CCZ1: variants seen among roughly 807,000 people sequenced by gnomAD.
The protein encoded by CCZ1 is vacuolar fusion protein CCZ1 homolog.
Under a neutral mutation model 57.8 loss-of-function variants are expected in CCZ1, and 19 were observed. The observed-to-expected ratio is 0.33, with a 90% CI of 0.23 to 0.48. The LOEUF (loss-of-function observed/expected upper bound fraction) is 0.48, where lower values mean the gene tolerates loss of function less well. Ranked by LOEUF, CCZ1 falls within the 20% of genes least tolerant of loss-of-function variation. The probability of loss-of-function intolerance (pLI) is 0.99; values close to 1 mark genes in which losing one functional copy is unlikely to be tolerated. For missense variants in CCZ1, 200 were observed against 492.0 expected (o/e 0.41, Z 5.61); for synonymous variants, 81 against 167.0 (o/e 0.49, Z 3.97).
intron 7 of CCZ1, among the ~76,000 whole-genome samples, chr7:5,909,744 A>T (rs1178565874): frequency 1.4e-5 from 2 of 146,720 alleles, no homozygotes; most frequent in African/African-American, 5.1e-5. Flanking sequence ...AATGAGTTTT[A>T]TCCAGGGCTT....
intron 7 of CCZ1, among the ~76,000 whole-genome samples, chr7:5,908,471 C>T (rs1192273412): frequency 1.3e-5 from 2 of 148,370 alleles, no homozygotes; most frequent in Non-Finnish European, 3.0e-5. Flanking sequence ...CTGCGCCTCC[C>T]AGGTTCAAGC....
At chr7:5,914,573 TAAGACAAAAG>T (rs1355017624) in intron 10 of CCZ1, among the ~76,000 whole-genome samples, 2 of 148,862 alleles carry the variant, frequency 1.3e-5, no homozygotes, top group Non-Finnish European at 3.0e-5. Flanking sequence ...CAACCACAGA[TAAGACAAAAG>T]AAAGACATTA....
At chr7:5,913,892 A>T (rs1293986388) in intron 10 of CCZ1, among the ~76,000 whole-genome samples, 1 of 139,280 alleles carries the variant, frequency 7.2e-6, no homozygotes, top group Non-Finnish European at 1.5e-5. Flanking sequence ...CAGTCTGAAG[A>T]GACCCAGAGT....
At chr7:5,920,487 T>TTTTTTTTG (rs1360301005) in intron 12 of CCZ1, among the ~76,000 whole-genome samples, 1 of 117,394 alleles carries the variant, frequency 8.5e-6, no homozygotes, top group African/African-American at 3.3e-5. Flanking sequence ...TTTTTTTTTT[T>TTTTTTTTG]GAGACAAATT....
At chr7:5,910,897 G>A (rs1210628920) in intron 8 of CCZ1, among the ~76,000 whole-genome samples, 3 of 146,252 alleles carry the variant, frequency 2.1e-5, no homozygotes, top group Non-Finnish European at 4.5e-5. Flanking sequence ...CACCATGCCC[G>A]GCTAATTTTT....
chr7:5,906,310 A>T (rs1414823516), intron 7 of CCZ1, among the ~76,000 whole-genome samples: 11 of 129,920 alleles, frequency 8.5e-5, no homozygotes, highest in Admixed American at 4.0e-4. Flanking sequence ...ACTAGAGCCC[A>T]CTTTCTTTCT....
chr7:5,911,316 C>G (rs1484885228), intron 8 of CCZ1, among the ~76,000 whole-genome samples: 1 of 148,958 alleles, frequency 6.7e-6, no homozygotes, highest in Non-Finnish European at 1.5e-5. Flanking sequence ...TTCGTTCCCT[C>G]CCTCTTGTCC....
chr7:5,905,768 G>C (rs1329287850), intron 7 of CCZ1, among the ~76,000 whole-genome samples: 1 of 68,886 alleles, frequency 1.5e-5, no homozygotes, highest in East Asian at 2.2e-3. Flanking sequence ...GCAACAGAGA[G>C]AGACTCTGTC....
At chr7:5,906,666 A>G (rs1017194779) in intron 7 of CCZ1, among the ~76,000 whole-genome samples, 1 of 149,146 alleles carries the variant, frequency 6.7e-6, no homozygotes, top group African/African-American at 2.5e-5. Context: ...TGGTACTACT[A>G]TAAGGTAAAT....
chr7:5,908,610 C>G (rs1013549610), intron 7 of CCZ1, among the ~76,000 whole-genome samples: 32 of 147,810 alleles, frequency 2.2e-4, no homozygotes, highest in Non-Finnish European at 3.3e-4. Context: ...GAACCCCTGA[C>G]CTTAGGTGAT....
At position 5,908,160 on chromosome 7, in the gene CCZ1, T is replaced by C. The variant is rs369304557; in HGVS notation, c.699-1875T>C. Among the ~76,000 whole-genome samples, 7 of 143,740 alleles carry C rather than the reference T, an allele frequency of 4.9e-5. 1 individual carries two copies. Among genetic ancestry groups the C allele is most frequent in the Non-Finnish European group, 9.0e-5 (6 of 66,700 alleles). 94.3% of individuals were successfully genotyped at this position (143,740 alleles called of 152,430 possible). ...GGAATTGCTTATTCCAAAGCTGTTATATTAAATACCAAAAAGACTTTTAAG... is the reference window on the plus strand; with the variant it reads ...GGAATTGCTTATTCCAAAGCTGTTACATTAAATACCAAAAAGACTTTTAAG... On this transcript the variant is annotated intron_variant, in intron 7 of 14. Transcript: ENST00000325974.
rs1350743995 is a variant in CCZ1, at chr7:5,906,480, G to A, written c.698+1211G>A. ...TGGGATTACAGGCATATGCCACCAT[G>A]CCCGGCTAATTTTTGTATTTTCAGT... On this transcript the variant is annotated intron_variant, in intron 7 of 14. Coordinates refer to ENST00000325974, the MANE Select transcript of CCZ1 (RefSeq NM_015622.6). 2.4e-4 allele frequency among the ~76,000 whole-genome samples: 35 copies of A among 147,640 alleles called. 2 individuals carry two copies. The highest frequency in any genetic ancestry group is 8.3e-4 in the African/African-American group (33 of 39,678).
At chr7:5,914,652 ATCACCTGAGG>A (rs113732281) in intron 10 of CCZ1, among the ~76,000 whole-genome samples, 10,399 of 148,286 alleles carry the variant, frequency 0.07, 227 homozygotes, top group African/African-American at 0.16. Context: ...AGGTGGGCGG[ATCACCTGAGG>A]TCTGGAGTTC....
rs372147560 is a variant in CCZ1, at chr7:5,901,670, G to A, written c.404G>A (p.Ser135Asn). The change falls in exon 5 of 15, where the codon AGC becomes AAC. Residue 135 changes from serine to asparagine, a missense_variant. This residue lies in a region of CCZ1 where 128 missense variants were observed against 178.4 expected (regional missense o/e 0.72). Coordinates refer to ENST00000325974, the MANE Select transcript of CCZ1 (RefSeq NM_015622.6). ...QEEELLDKVY[S>N]SVLRQCYSMY... ...TCGCGTCTGCAGGACAAGGTTTATA[G>A]CTCGGTGCTGCGGCAGTGCTACAGC... 1.4e-5 allele frequency: 22 copies of A among 1,598,476 alleles called. 2 individuals are homozygous for A. The highest frequency in any genetic ancestry group is 1.8e-5 in the Non-Finnish European group (21 of 1,176,786).
chr7:5,903,298 A>T (rs1466692969), intron 6 of CCZ1, among the ~76,000 whole-genome samples: 4 of 143,086 alleles, frequency 2.8e-5, no homozygotes, highest in African/African-American at 5.2e-5. Context: ...TCTTTTTTTT[A>T]AAAGGAAACA....
intron 9 of CCZ1, among the ~76,000 whole-genome samples, chr7:5,912,416 G>T (rs1779059251): frequency 8.7e-5 from 6 of 68,644 alleles, no homozygotes; most frequent in African/African-American, 3.0e-4. Flanking sequence ...TTTTTGAGAT[G>T]GAGTGTCTCT....
At position 5,910,096 on chromosome 7, in the gene CCZ1, C is replaced by T; in HGVS notation, c.760C>T (p.Pro254Ser). ...CAAATACCTTACCACCTCCCTTTTTCCAAGGCACATCGAACCTGAGGTATG... is the reference window on the plus strand; with the variant it reads ...CAAATACCTTACCACCTCCCTTTTTTCAAGGCACATCGAACCTGAGGTATG... ...LYKYLTTSLF[P>S]RHIEPELAGR... The change falls in exon 8 of 15, where the codon CCA (proline) becomes TCA (serine). Residue 254 changes from proline (P) to serine (S), a missense_variant. Pro to Ser is a moderately conservative substitution (Grantham distance 74). Coordinates refer to ENST00000325974, the MANE Select transcript of CCZ1 (RefSeq NM_015622.6). The T allele has an allele frequency of 1.9e-6, 3 of 1,561,308 alleles. No homozygotes were observed. In the South Asian group the frequency reaches 3.4e-5, roughly 18 times the overall value.
In CCZ1 at chr7:5,911,058, G is replaced by T. The variant is rs779219757; in HGVS notation, c.781-803G>T. On this transcript the variant is annotated intron_variant, in intron 8 of 14. Transcript: ENST00000325974. ...GCCAAAAAATTGGATTTTAGATCGG[G>T]TTCTAGGAACCTTTAAAATGCCAGT... 5.4e-5 allele frequency among the ~76,000 whole-genome samples: 8 copies of T among 148,726 alleles called. 1 individual carries two copies. Among genetic ancestry groups the T allele is most frequent in the Admixed American group, 1.3e-4 (2 of 15,032 alleles).
Position 5,923,162 on chromosome 7 carries a change from CA to C in CCZ1, c.1107-220del, listed in dbSNP as rs1464119664. Reference sequence around the variant, plus strand: ...TGAAACCCCGTCTCTACTAAAAATACAAAAATTAGCTGGGCGTGGTGGCGGG... The same window carrying C: ...TGAAACCCCGTCTCTACTAAAAATACAAAATTAGCTGGGCGTGGTGGCGGG... On this transcript the variant is annotated intron_variant, in intron 12 of 14. Coordinates refer to ENST00000325974, the MANE Select transcript of CCZ1 (RefSeq NM_015622.6). 5.7e-5 allele frequency among the ~76,000 whole-genome samples: 6 copies of C among 104,876 alleles called. No homozygotes were observed. The South Asian group carries it at 1.7e-3, about 29-fold the overall frequency. The allele number at this position is 104,876 out of a possible 152,430, so 68.8% of individuals were successfully genotyped here.
Sources: allele counts gnomAD v4.1 joint callset (sites outside exome capture counted in the v4.1 genomes callset), GRCh38; gene constraint gnomAD v4.1.1; regional missense constraint gnomAD v4.1.1; transcripts MANE v1.5; gene names NCBI Gene and HGNC (gene_info 2026-07-23, HGNC 2026-07-21).